Variants in GNE observed in about 807,000 individuals in gnomAD.
GNE encodes the protein bifunctional UDP-N-acetylglucosamine 2-epimerase/N-acetylmannosamine kinase.
GNE carries 41 observed loss-of-function variants against 61.8 expected under a neutral mutation model. The ratio of observed to expected loss-of-function variants is 0.66; its 90% CI spans 0.52 to 0.86. The LOEUF is 0.86. Ranked by LOEUF, GNE falls within the 40% of genes least tolerant of loss-of-function variation. GNE has a pLI of 0.00. For missense variants in GNE, 608 were observed against 909.1 expected (o/e 0.67, Z 4.26); for synonymous variants, 264 against 326.4 (o/e 0.81, Z 2.06).
In GNE at chr9:36,217,275, T is replaced by G; in HGVS notation, c.*90A>C. On this transcript the variant is annotated 3_prime_UTR_variant, in exon 12 of 12. Transcript: ENST00000642385. Reference sequence around the variant, plus strand: ...AAGTCACCTGCAGTTCAATACCAGATTTGATTGTTAAGAAACGGTCATCCT... The same window carrying G: ...AAGTCACCTGCAGTTCAATACCAGAGTTGATTGTTAAGAAACGGTCATCCT... 1.1e-6 allele frequency: 1 copy of G among 884,882 alleles called. No individual in the cohort carries two copies. Among genetic ancestry groups the G allele is most frequent in the Non-Finnish European group, 1.8e-6 (1 of 543,666 alleles). The allele number at this position is 884,882 out of a possible 1,614,324, so 54.8% of individuals were successfully genotyped here.
chr9:36,244,393 C>A (rs1829775735), intron 3 of GNE, among the ~76,000 whole-genome samples: 1 of 152,138 alleles, frequency 6.6e-6, no homozygotes. Flanking sequence ...AATTAACCAA[C>A]TGACATTCTG....
At chr9:36,243,177 T>A (rs1016261068) in intron 3 of GNE, among the ~76,000 whole-genome samples, 4 of 152,166 alleles carry the variant, frequency 2.6e-5, no homozygotes, top group Non-Finnish European at 5.9e-5. Flanking sequence ...CCGGAGTAGC[T>A]GGGACTACAG....
chr9:36,216,364 C>A lies in GNE; in HGVS notation c.*1001G>T. 1 of 169,690 alleles carries A rather than the reference C, an allele frequency of 5.9e-6. No individual in the cohort carries two copies. Among genetic ancestry groups the A allele is most frequent in the Non-Finnish European group, 1.2e-5 (1 of 85,080 alleles). The allele number at this position is 169,690 out of a possible 1,614,324, so 10.5% of individuals were successfully genotyped here. ...GTGTGTGTGTGTGTGTAGACGGAGT[C>A]TCGCTCTGTCACCCAGGGTGGAGTG... is the stretch of plus-strand genomic sequence containing the variant. On this transcript the variant is annotated 3_prime_UTR_variant, in exon 12 of 12. Coordinates refer to ENST00000642385, the MANE Select transcript of GNE (RefSeq NM_005476.7).
At chr9:36,249,069 C>T in intron 2 of GNE, 123 bp downstream of exon 2, 1 of 770,550 alleles carries the variant, frequency 1.3e-6, no homozygotes. Flanking sequence ...AGTGACTACT[C>T]TAAGGCCACA....
At chr9:36,264,530 A>AT (rs1292066129) in intron 1 of GNE, among the ~76,000 whole-genome samples, 8 of 152,230 alleles carry the variant, frequency 5.3e-5, no homozygotes, top group Admixed American at 2.0e-4. Context: ...CCTTATTTCG[A>AT]TCCCCACTTC....
chr9:36,240,332 C>G (rs911117716), intron 3 of GNE, among the ~76,000 whole-genome samples: 1 of 152,108 alleles, frequency 6.6e-6, no homozygotes, highest in African/African-American at 2.4e-5. Context: ...TAAGGTATGT[C>G]CCTTGTATGC....
In GNE at chr9:36,219,921, T is replaced by A; in HGVS notation, c.1733A>T (p.Asp578Val). The change falls in exon 10 of 12, where the codon GAT becomes GTT. Residue 578 changes from aspartate (D) to valine (V), a missense_variant. By Grantham distance (152) the Asp-to-Val change is radical. Transcript: ENST00000642385. ...GCACCCATGGCTTCCACAGGAACAA[T>A]CAGGCCCATCCAGAGACACAACAAG... ...GHLVVSLDGP[D>V]CSCGSHGCIE... The A allele has an allele frequency of 6.2e-7, 1 of 1,614,086 alleles. No homozygotes were observed. The highest frequency in any genetic ancestry group is 8.5e-7 in the Non-Finnish European group (1 of 1,180,004).
intron 1 of GNE, among the ~76,000 whole-genome samples, chr9:36,264,213 A>C (rs1169649354): frequency 6.6e-6 from 1 of 151,864 alleles, no homozygotes; most frequent in Admixed American, 6.6e-5. Context: ...GCTCACTGCA[A>C]CCTCCACCTC....
chr9:36,243,169 G>A (rs1004939201), intron 3 of GNE, among the ~76,000 whole-genome samples: 9 of 151,562 alleles, frequency 5.9e-5, no homozygotes, highest in African/African-American at 9.7e-5. Context: ...TTCAGCCTCC[G>A]GAGTAGCTGG....
intron 7 of GNE, among the ~76,000 whole-genome samples, chr9:36,224,047 C>T (rs1322713972): frequency 4.6e-5 from 7 of 152,008 alleles, no homozygotes; most frequent in Admixed American, 4.6e-4. Context: ...CCACTGCCCC[C>T]GGCCGGGCCC....
intron 2 of GNE, among the ~76,000 whole-genome samples, chr9:36,247,846 G>A (rs942521448): frequency 9.2e-5 from 14 of 151,866 alleles, no homozygotes; most frequent in African/African-American, 3.1e-4. Flanking sequence ...GACCAACATG[G>A]AGAAACCCCG....
intron 5 of GNE, among the ~76,000 whole-genome samples, chr9:36,232,425 C>T (rs1829211861): frequency 1.3e-5 from 2 of 150,124 alleles, no homozygotes; most frequent in South Asian, 4.2e-4. Context: ...CTTCCCATTA[C>T]ACTTAGAAAA....
chr9:36,216,064 C>A lies in GNE; in HGVS notation c.*1301G>T. 1 of 312,184 alleles carries A rather than the reference C, an allele frequency of 3.2e-6. No homozygotes were observed. The highest frequency in any genetic ancestry group is 6.5e-6 in the Non-Finnish European group (1 of 155,002). 19.3% of individuals were successfully genotyped at this position (312,184 alleles called of 1,614,324 possible). ...GGTCTAAAGTCTCTTGTAAGTTCAGCTAGAGTAATAACATCTTTCAACAAA... is the reference window on the plus strand; with the variant it reads ...GGTCTAAAGTCTCTTGTAAGTTCAGATAGAGTAATAACATCTTTCAACAAA... On this transcript the variant is annotated 3_prime_UTR_variant, in exon 12 of 12. Transcript: ENST00000642385.
intron 1 of GNE, among the ~76,000 whole-genome samples, chr9:36,274,846 C>CTG (rs1554668354): frequency 6.6e-6 from 1 of 151,560 alleles, no homozygotes; most frequent in Admixed American, 6.6e-5. Flanking sequence ...CCTCAGCCTC[C>CTG]CGCGTAGCTG....
intron 1 of GNE, among the ~76,000 whole-genome samples, chr9:36,269,789 G>A (rs1265632486): frequency 6.6e-6 from 1 of 151,444 alleles, no homozygotes; most frequent in Non-Finnish European, 1.5e-5. Flanking sequence ...AGCTTCCTGA[G>A]TATCTGGGAT....
At chr9:36,244,781 CA>C (rs36022958) in intron 3 of GNE, among the ~76,000 whole-genome samples, 4 of 145,490 alleles carry the variant, frequency 2.7e-5, no homozygotes, top group South Asian at 2.2e-4. Context: ...ACTAAAAATA[CA>C]AAAAAAAATT....
At position 36,234,097 on chromosome 9, in the gene GNE, C is replaced by T. The variant is rs1829294795; in HGVS notation, c.805G>A (p.Gly269Ser). 1.9e-6 allele frequency: 3 copies of T among 1,613,856 alleles called. No homozygotes were observed. Among genetic ancestry groups the T allele is most frequent in the South Asian group, 1.1e-5 (1 of 91,066 alleles). The change falls in exon 5 of 12, where the codon GGC becomes AGC. Residue 269 changes from glycine to serine, a missense_variant. Coordinates refer to ENST00000642385, the MANE Select transcript of GNE (RefSeq NM_005476.7). ...CGAAAGTTGGGATGATGCTCAATGCCCTTCTTCCGCATCACTCGAACCATC... is the reference window on the plus strand; with the variant it reads ...CGAAAGTTGGGATGATGCTCAATGCTCTTCTTCCGCATCACTCGAACCATC... ...KEMVRVMRKKGIEHHPNFRAV... is the reference protein window; with the variant it reads ...KEMVRVMRKKSIEHHPNFRAV...
At chr9:36,271,248 C>T (rs1034880896) in intron 1 of GNE, among the ~76,000 whole-genome samples, 3 of 152,228 alleles carry the variant, frequency 2.0e-5, no homozygotes, top group African/African-American at 7.2e-5. Flanking sequence ...TCCTTGTCTG[C>T]TGCTTACACC....
rs112066248 is a variant in GNE at position 36,242,732 on chromosome 9, G to T, written c.616+3299C>A. Among the ~76,000 whole-genome samples the T allele has an allele frequency of 3.1e-3, 302 of 95,978 alleles. 6 individuals are homozygous for T. The highest frequency in any genetic ancestry group is 0.013 in the African/African-American group (286 of 22,608). The allele number at this position is 95,978 out of a possible 152,430, so 63.0% of individuals were successfully genotyped here. On this transcript the variant is annotated intron_variant, in intron 3 of 11. Transcript: ENST00000642385. Reference sequence around the variant, plus strand: ...CGCATCTGGCCTGGGTTTTATGCTTGTTTTTTTTTTTTTTTTTTTTTTTGA... The same window carrying T: ...CGCATCTGGCCTGGGTTTTATGCTTTTTTTTTTTTTTTTTTTTTTTTTTGA...
Sources: gnomAD v4.1 joint callset for allele counts (sites outside exome capture counted in the v4.1 genomes callset) on GRCh38, gnomAD v4.1.1 for gene constraint, MANE v1.5 for transcripts, NCBI Gene and HGNC (gene_info 2026-07-23, HGNC 2026-07-21) for gene names.